ARHGAP24: variants seen among roughly 807,000 people sequenced by gnomAD.
ARHGAP24 encodes the protein rho GTPase-activating protein 24.
ARHGAP24 carries 50 observed loss-of-function variants against 76.4 expected under a neutral mutation model. The observed-to-expected ratio is 0.65, with a 90% CI of 0.52 to 0.83. ARHGAP24 has a LOEUF of 0.83. Among genes scored for constraint, ARHGAP24 ranks in the 40% least tolerant of loss-of-function variants. ARHGAP24 has a pLI of 0.00. For synonymous variants in ARHGAP24, 345 were observed against 323.3 expected (o/e 1.07, Z -0.72); for missense variants, 930 against 914.2 (o/e 1.02, Z -0.22).
At chr4:85,488,296 A>C (rs1252358469) in intron 1 of ARHGAP24, among the ~76,000 whole-genome samples, 1 of 152,108 alleles carries the variant, frequency 6.6e-6, no homozygotes, top group African/African-American at 2.4e-5. Flanking sequence ...TTAAATGTAT[A>C]ACTTCACCTT....
At chr4:85,577,784 A>G (rs11930449) in intron 2 of ARHGAP24, among the ~76,000 whole-genome samples, 90,080 of 152,124 alleles carry the variant, frequency 0.59, 29,183 homozygotes, top group Non-Finnish European at 0.74. Flanking sequence ...TTCTCAAAGG[A>G]ATAATTTAAC....
intron 6 of ARHGAP24, among the ~76,000 whole-genome samples, chr4:85,974,112 TC>T (rs1739183623): frequency 6.6e-6 from 1 of 150,854 alleles, no homozygotes; most frequent in African/African-American, 2.4e-5. Context: ...TACCTCAGCC[TC>T]CCAAAGTGCT....
At chr4:85,972,210 A>AT (rs774031609) in intron 6 of ARHGAP24, 42 bp downstream of exon 6, 1 of 1,609,422 alleles carries the variant, frequency 6.2e-7, no homozygotes. Flanking sequence ...TTTGTTTGGA[A>AT]TTTTTTTCTG....
At chr4:85,818,858 T>G (rs1036119641) in intron 3 of ARHGAP24, among the ~76,000 whole-genome samples, 8 of 152,228 alleles carry the variant, frequency 5.3e-5, no homozygotes, top group African/African-American at 1.9e-4. Flanking sequence ...AGTAGATATG[T>G]CTATTGCATC....
chr4:85,527,486 T>A (rs1485639667), intron 1 of ARHGAP24, among the ~76,000 whole-genome samples: 1 of 152,088 alleles, frequency 6.6e-6, no homozygotes, highest in African/African-American at 2.4e-5. Context: ...GAAATTTAGA[T>A]ACAATAAGAT....
chr4:85,822,869 A>C (rs975756311), intron 3 of ARHGAP24, among the ~76,000 whole-genome samples: 6 of 152,224 alleles, frequency 3.9e-5, no homozygotes, highest in African/African-American at 7.2e-5. Context: ...AGTGAAGTCC[A>C]AAGTACACTA....
intron 3 of ARHGAP24, among the ~76,000 whole-genome samples, chr4:85,864,279 G>A (rs1424506233): frequency 6.6e-6 from 1 of 152,076 alleles, no homozygotes; most frequent in Non-Finnish European, 1.5e-5. Context: ...CTTGCTGTCT[G>A]CCTAAGGAAT....
At chr4:85,756,676 C>A (rs1726508145) in intron 3 of ARHGAP24, among the ~76,000 whole-genome samples, 1 of 152,102 alleles carries the variant, frequency 6.6e-6, no homozygotes, top group African/African-American at 2.4e-5. Flanking sequence ...GAAAAATTCT[C>A]CTAAGTCACA....
At chr4:85,834,164 G>T (rs1335876695) in intron 3 of ARHGAP24, among the ~76,000 whole-genome samples, 1 of 152,154 alleles carries the variant, frequency 6.6e-6, no homozygotes, top group African/African-American at 2.4e-5. Context: ...GGTAGAAAAA[G>T]TTGGGGGAAG....
At chr4:85,912,883 G>T (rs1408288785) in intron 3 of ARHGAP24, among the ~76,000 whole-genome samples, 1 of 151,736 alleles carries the variant, frequency 6.6e-6, no homozygotes, top group African/African-American at 2.4e-5. Context: ...TTCTTTTCTA[G>T]ATGTTTTCTG....
At chr4:85,823,620 C>A (rs1417188036) in intron 3 of ARHGAP24, among the ~76,000 whole-genome samples, 2 of 152,164 alleles carry the variant, frequency 1.3e-5, no homozygotes. Flanking sequence ...TGGCCATGAG[C>A]CACCTGACTA....
intron 5 of ARHGAP24, among the ~76,000 whole-genome samples, chr4:85,965,214 C>T (rs1017360669): frequency 6.6e-6 from 1 of 152,100 alleles, no homozygotes; most frequent in African/African-American, 2.4e-5. Flanking sequence ...CAAGTCACAT[C>T]TTACATGGAT....
intron 5 of ARHGAP24, among the ~76,000 whole-genome samples, chr4:85,945,038 G>C (rs1388450614): frequency 6.6e-6 from 1 of 152,124 alleles, no homozygotes; most frequent in East Asian, 1.9e-4. Context: ...TAGAGACAGA[G>C]TTTCTCCATG....
intron 1 of ARHGAP24, among the ~76,000 whole-genome samples, chr4:85,521,130 A>G (rs376462210): frequency 2.6e-5 from 4 of 152,190 alleles, no homozygotes; most frequent in African/African-American, 7.2e-5. Flanking sequence ...GCCTCATTCA[A>G]TGATGCCCAG....
At chr4:85,556,819 C>A (rs1726394114) in intron 1 of ARHGAP24, among the ~76,000 whole-genome samples, 1 of 152,156 alleles carries the variant, frequency 6.6e-6, no homozygotes, top group Non-Finnish European at 1.5e-5. Context: ...TGCAGGACAG[C>A]AAAAATGGTG....
At chr4:85,683,107 T>TGGGGG (rs1310671945) in intron 2 of ARHGAP24, among the ~76,000 whole-genome samples, 20 of 12,824 alleles carry the variant, frequency 1.6e-3, no homozygotes, top group Non-Finnish European at 2.9e-3. Context: ...TCTCTCAGTG[T>TGGGGG]GTGGGGGGGT....
intron 2 of ARHGAP24, among the ~76,000 whole-genome samples, chr4:85,583,506 C>CT (rs1727698961): frequency 6.6e-6 from 1 of 152,044 alleles, no homozygotes. Context: ...AAAACCTAGG[C>CT]ATTACCATTC....
intron 2 of ARHGAP24, among the ~76,000 whole-genome samples, chr4:85,660,930 T>C (rs921365670): frequency 2.0e-5 from 3 of 152,150 alleles, no homozygotes; most frequent in African/African-American, 4.8e-5. Flanking sequence ...CATCTTCACT[T>C]ACACCACTTT....
intron 2 of ARHGAP24, among the ~76,000 whole-genome samples, chr4:85,600,714 A>G (rs958279762): frequency 4.6e-5 from 7 of 152,178 alleles, no homozygotes; most frequent in African/African-American, 1.7e-4. Context: ...CTTCTCTTTC[A>G]TGATGTGGTT....
Sources: gnomAD v4.1 joint callset for allele counts (sites outside exome capture counted in the v4.1 genomes callset) on GRCh38, gnomAD v4.1.1 for gene constraint, MANE v1.5 for transcripts, NCBI Gene and HGNC (gene_info 2026-07-23, HGNC 2026-07-21) for gene names.